The following PTPRN2 variants were observed in gnomAD, a reference collection of about 807,000 sequenced individuals.
The protein encoded by PTPRN2 is receptor-type tyrosine-protein phosphatase N2.
Under a neutral mutation model 118.8 loss-of-function variants are expected in PTPRN2, and 74 were observed. The ratio of observed to expected loss-of-function variants is 0.62; its 90% CI spans 0.52 to 0.76. The LOEUF (loss-of-function observed/expected upper bound fraction) is 0.76. Among genes scored for constraint, PTPRN2 ranks in the 30% least tolerant of loss-of-function variants. The pLI, the probability that PTPRN2 is intolerant of heterozygous loss-of-function variation, is 0.00. For missense variants in PTPRN2, 1,481 were observed against 1,394.4 expected, an observed-to-expected ratio of 1.06 and a Z score of -0.99; for synonymous variants, 641 against 608.0, an observed-to-expected ratio of 1.05 and a Z score of -0.80.
chr7:157,942,812 G>A (rs1043682505), intron 11 of PTPRN2, among the ~76,000 whole-genome samples: 6 of 152,108 alleles, frequency 3.9e-5, no homozygotes, highest in Admixed American at 1.3e-4. Context: ...CAGTGGCAGG[G>A]GCTCAACCTT....
At chr7:158,366,362 A>G (rs771788309) in intron 2 of PTPRN2, among the ~76,000 whole-genome samples, 11 of 131,222 alleles carry the variant, frequency 8.4e-5, no homozygotes, top group Middle Eastern at 5.1e-3. Context: ...CCACAGCCCA[A>G]TGCACGCGTG....
intron 12 of PTPRN2, among the ~76,000 whole-genome samples, chr7:157,693,395 C>G (rs1797614107): frequency 6.6e-6 from 1 of 152,034 alleles, no homozygotes; most frequent in Admixed American, 6.5e-5. Flanking sequence ...TGGGAGCGCC[C>G]TAGGGTCTGG....
chr7:157,680,337 C>T (rs913707444), intron 13 of PTPRN2, among the ~76,000 whole-genome samples: 2 of 151,792 alleles, frequency 1.3e-5, no homozygotes, highest in Admixed American at 1.3e-4. Flanking sequence ...TGCGAGAAGA[C>T]ACCTTTCCTG....
At chr7:157,826,886 G>A (rs937259949) in intron 12 of PTPRN2, among the ~76,000 whole-genome samples, 10 of 152,116 alleles carry the variant, frequency 6.6e-5, no homozygotes, top group East Asian at 5.8e-4. Flanking sequence ...ACGGGGCAGC[G>A]AATTCATCTG....
intron 2 of PTPRN2, among the ~76,000 whole-genome samples, chr7:158,449,915 G>A (rs142790288): frequency 6.6e-6 from 1 of 152,310 alleles, no homozygotes; most frequent in African/African-American, 2.4e-5. Flanking sequence ...TAGTACAGAC[G>A]AATCCAAGGT....
chr7:158,358,814 C>G (rs979469056), intron 2 of PTPRN2, among the ~76,000 whole-genome samples: 1 of 152,302 alleles, frequency 6.6e-6, no homozygotes, highest in East Asian at 1.9e-4. Context: ...AGCATTAATG[C>G]GCACAGAGGT....
intron 2 of PTPRN2, among the ~76,000 whole-genome samples, chr7:158,337,728 C>T (rs1805956838): frequency 1.3e-5 from 2 of 149,764 alleles, no homozygotes; most frequent in South Asian, 2.1e-4. Context: ...CCGCAGACGT[C>T]ACTCACAACC....
chr7:157,815,249 G>C (rs999983482), intron 12 of PTPRN2, among the ~76,000 whole-genome samples: 1 of 152,352 alleles, frequency 6.6e-6, no homozygotes, highest in East Asian at 1.9e-4. Flanking sequence ...TTGCAGGACG[G>C]GAGGCTGAGG....
intron 12 of PTPRN2, among the ~76,000 whole-genome samples, chr7:157,737,618 G>C (rs1264931210): frequency 1.3e-5 from 2 of 152,240 alleles, no homozygotes. Context: ...TCGTACTCAC[G>C]GTCCTGAGTT....
At position 157,618,769 on chromosome 7, in the gene PTPRN2, A is replaced by C. The variant is rs991138436; in HGVS notation, c.2344+2593T>G. The C allele has an allele frequency of 6.6e-6, 1 of 152,210 alleles. No individual in the cohort carries two copies. Among genetic ancestry groups the C allele is most frequent in the South Asian group, 2.1e-4 (1 of 4,832 alleles). The allele number at this position is 152,210 out of a possible 1,614,324, so 9.4% of individuals were successfully genotyped here. On this transcript the variant is annotated intron_variant, in intron 15 of 22. Coordinates refer to ENST00000389418, the MANE Select transcript of PTPRN2 (RefSeq NM_002847.5). This position sits in a 1 kb window ranked among gnomAD's most constrained non-coding sequence, Gnocchi z 4.2. ...AGAATAAACCTATGTGTTCATGAAA[A>C]TATTTCTATCTAGGGTTCTCCCAGG...
intron 3 of PTPRN2, among the ~76,000 whole-genome samples, chr7:158,281,501 T>C (rs1799421053): frequency 6.6e-6 from 1 of 152,188 alleles, no homozygotes; most frequent in East Asian, 1.9e-4. Flanking sequence ...TAAGAGACAT[T>C]GTCATATGCC....
At chr7:158,394,522 G>A (rs890053914) in intron 2 of PTPRN2, among the ~76,000 whole-genome samples, 1 of 152,188 alleles carries the variant, frequency 6.6e-6, no homozygotes, top group East Asian at 1.9e-4. Context: ...AAGCCCACCT[G>A]GTGAGAATGG....
At chr7:157,908,217 C>T (rs1427530555) in intron 11 of PTPRN2, among the ~76,000 whole-genome samples, 1 of 152,118 alleles carries the variant, frequency 6.6e-6, no homozygotes, top group Non-Finnish European at 1.5e-5. Flanking sequence ...CCGGGCCCGG[C>T]CTGGGAGGGG....
intron 2 of PTPRN2, among the ~76,000 whole-genome samples, chr7:158,397,306 C>A (rs1245540186): frequency 6.6e-6 from 1 of 152,230 alleles, no homozygotes; most frequent in Non-Finnish European, 1.5e-5. Context: ...ATGAGCTGCG[C>A]CCATCCAGGA....
chr7:157,546,725 T>A (rs573756590), intron 22 of PTPRN2, among the ~76,000 whole-genome samples: 1 of 152,348 alleles, frequency 6.6e-6, no homozygotes. Context: ...CATCTTGCCA[T>A]TTAAAAATGG....
At chr7:158,062,901 C>T (rs1486970790) in intron 11 of PTPRN2, among the ~76,000 whole-genome samples, 2 of 152,208 alleles carry the variant, frequency 1.3e-5, no homozygotes, top group African/African-American at 2.4e-5. Flanking sequence ...ACAAGCGCCG[C>T]CCCCTGCTCC....
At chr7:158,372,421 CACT>C (rs1810119986) in intron 2 of PTPRN2, among the ~76,000 whole-genome samples, 3 of 140,218 alleles carry the variant, frequency 2.1e-5, no homozygotes, top group African/African-American at 5.5e-5. Flanking sequence ...GTCCCCCCAA[CACT>C]GGTCCCCGAA....
chr7:158,066,515 C>T (rs1441296550), intron 11 of PTPRN2, among the ~76,000 whole-genome samples: 3 of 152,206 alleles, frequency 2.0e-5, no homozygotes, highest in African/African-American at 4.8e-5. Context: ...CTCAAAGGAA[C>T]ACAGCCTTTT....
At chr7:157,926,897 AG>A (rs1056221208) in intron 11 of PTPRN2, among the ~76,000 whole-genome samples, 40 of 149,238 alleles carry the variant, frequency 2.7e-4, no homozygotes, top group African/African-American at 9.7e-4. Context: ...CTGCAAGCAA[AG>A]CCCTGAAGAC....
Sources: allele counts gnomAD v4.1 joint callset (sites outside exome capture counted in the v4.1 genomes callset), GRCh38; gene constraint gnomAD v4.1.1; non-coding constraint Gnocchi (gnomAD v3.1); transcripts MANE v1.5; gene names NCBI Gene and HGNC (gene_info 2026-07-23, HGNC 2026-07-21).